The following ZNF831 variants were observed in gnomAD, a reference collection of about 807,000 sequenced individuals.
ZNF831 encodes chromosome 20 open reading frame 174.
A neutral mutation model predicts 95.8 loss-of-function variants in ZNF831; 59 were observed. The observed-to-expected ratio is 0.62, with a 90% confidence interval of 0.50 to 0.77. ZNF831 has a LOEUF of 0.77. Among genes scored for constraint, ZNF831 ranks in the 30% least tolerant of loss-of-function variants. The pLI is 0.00. For missense variants in ZNF831, 2,205 were observed against 2,164.0 expected (o/e 1.02, Z -0.38); for synonymous variants, 961 against 925.5 (o/e 1.04, Z -0.70).
intron 5 of ZNF831, 100 bp downstream of exon 5, chr20:59,253,238 G>A (rs566288611): frequency 2.9e-5 from 39 of 1,345,818 alleles, no homozygotes; most frequent in African/African-American, 1.7e-4. Flanking sequence ...GAACTTGCTC[G>A]GATCACCTTA....
At chr20:59,250,657 A>C (rs2146750316) in intron 4 of ZNF831, among the ~76,000 whole-genome samples, 1 of 152,272 alleles carries the variant, frequency 6.6e-6, no homozygotes, top group East Asian at 1.9e-4. Context: ...AACAACAACA[A>C]CCCATTATTA....
intron 1 of ZNF831, among the ~76,000 whole-genome samples, chr20:59,127,230 T>A (rs1226509957): frequency 6.6e-6 from 1 of 152,162 alleles, no homozygotes; most frequent in Non-Finnish European, 1.5e-5. Context: ...TTGTCGCACC[T>A]CCATCACTGT....
chr20:59,185,918 C>T (rs1210025005), intron 1 of ZNF831, among the ~76,000 whole-genome samples: 1 of 150,884 alleles, frequency 6.6e-6, no homozygotes, highest in Non-Finnish European at 1.5e-5. Flanking sequence ...CACAGGAAGA[C>T]AGAAGCCCTG....
intron 1 of ZNF831, among the ~76,000 whole-genome samples, chr20:59,166,721 A>G (rs1981301920): frequency 6.6e-6 from 1 of 152,160 alleles, no homozygotes; most frequent in Non-Finnish European, 1.5e-5. Flanking sequence ...ATTCAGCATA[A>G]TTCTCTAGAG....
chr20:59,186,659 A>T (rs1447608786), intron 1 of ZNF831, among the ~76,000 whole-genome samples: 1 of 152,190 alleles, frequency 6.6e-6, no homozygotes, highest in Non-Finnish European at 1.5e-5. Context: ...GAAAGGTTGC[A>T]GCGTCTTGAG....
chr20:59,133,359 C>T (rs558916355), intron 1 of ZNF831, among the ~76,000 whole-genome samples: 408 of 151,690 alleles, frequency 2.7e-3, no homozygotes, highest in Non-Finnish European at 4.9e-3. Flanking sequence ...TCCTGCATGA[C>T]GTCCATAGGA....
Position 59,164,070 on chromosome 20 carries a change from G to A in ZNF831, c.-174G>A, listed in dbSNP as rs1271885535. Among the ~76,000 whole-genome samples, 1 of 152,076 alleles carries A rather than the reference G, an allele frequency of 6.6e-6. No individual in the cohort carries two copies. The highest frequency in any genetic ancestry group is 1.5e-5 in the Non-Finnish European group (1 of 68,014). ...AGCTCCCTACAGAGAGTGAGAGCACGGGCTCTTGAGCTCATCTCTTCTCTG... is the reference window on the plus strand; with the variant it reads ...AGCTCCCTACAGAGAGTGAGAGCACAGGCTCTTGAGCTCATCTCTTCTCTG... On this transcript the variant is annotated 5_prime_UTR_variant, in exon 1 of 6. Transcript: ENST00000371030.
intron 2 of ZNF831, among the ~76,000 whole-genome samples, chr20:59,153,908 C>T (rs908939815): frequency 6.6e-5 from 10 of 152,134 alleles, no homozygotes; most frequent in Admixed American, 1.3e-4. Flanking sequence ...GAAAGCCTGA[C>T]GTATAAACCA....
chr20:59,224,393 G>A (rs1047747276), intron 4 of ZNF831, among the ~76,000 whole-genome samples: 2 of 142,222 alleles, frequency 1.4e-5, no homozygotes, highest in African/African-American at 6.2e-5. Context: ...AGCACTGGGT[G>A]GGGGGGCGCC....
At chr20:59,222,853 C>T (rs896297681) in intron 4 of ZNF831, among the ~76,000 whole-genome samples, 19 of 152,156 alleles carry the variant, frequency 1.2e-4, no homozygotes, top group African/African-American at 4.1e-4. Context: ...ATTTTATGTT[C>T]GTAGGGGTTT....
At chr20:59,224,364 C>T (rs1443659066) in intron 4 of ZNF831, among the ~76,000 whole-genome samples, 1 of 152,124 alleles carries the variant, frequency 6.6e-6, no homozygotes, top group Non-Finnish European at 1.5e-5. Context: ...CAACACTCTC[C>T]TGCACCCTAG....
In ZNF831 at chr20:59,194,319, C is replaced by T. The variant is rs1180190915; in HGVS notation, c.3300C>T (p.Asn1100=). ...SGDVLNPWVP[N]WELGEPPGNA... ...ATGTCCTGAATCCCTGGGTACCCAA[C>T]TGGGAGCTGGGGGAGCCTCCTGGGA... Residue 1100 remains asparagine, a synonymous_variant, in exon 2 of 6, where the codon AAC becomes AAT. Transcript: ENST00000371030. 1.2e-6 allele frequency: 2 copies of T among 1,613,700 alleles called. No individual in the cohort carries two copies. Among genetic ancestry groups the T allele is most frequent in the Non-Finnish European group, 1.7e-6 (2 of 1,179,954 alleles).
chr20:59,156,325 A>G (rs537337851), intron 2 of ZNF831, among the ~76,000 whole-genome samples: 1 of 152,308 alleles, frequency 6.6e-6, no homozygotes, highest in Non-Finnish European at 1.5e-5. Flanking sequence ...CAGGAGTCTG[A>G]GACCAGCCTG....
At position 59,191,488 on chromosome 20, in the gene ZNF831, A is replaced by C. The variant is rs2146548566; in HGVS notation, c.469A>C (p.Ser157Arg). ...PHCGRDCLKP[S>R]VLEKHIRSHT... ...CTGTGGTCGCGACTGCCTGAAGCCC[A>C]GTGTTCTAGAGAAGCACATCCGGTC... The change falls in exon 2 of 6, where the codon AGT becomes CGT. Residue 157 changes from serine (S) to arginine (R), a missense_variant. Physicochemically the swap from Ser to Arg is moderately radical, Grantham distance 110. Transcript: ENST00000371030. 1 of 1,613,108 alleles carries C rather than the reference A, an allele frequency of 6.2e-7. No individual in the cohort carries two copies. The highest frequency in any genetic ancestry group is 8.5e-7 in the Non-Finnish European group (1 of 1,180,002).
rs2146541218 is a variant in ZNF831, at chr20:59,190,981, C to G, written c.-36-3C>G. ...CATGGTAAAGTTTGGTTGTTGTCTG[C>G]AGGTTTTCCAGCATTGTGGGCCATC... On this transcript the variant is annotated splice_polypyrimidine_tract_variant and splice_region_variant and intron_variant, in intron 1 of 5. Coordinates refer to ENST00000371030, the MANE Select transcript of ZNF831 (RefSeq NM_178457.3). 6.8e-7 allele frequency: 1 copy of G among 1,463,618 alleles called. No homozygotes were observed. Among genetic ancestry groups the G allele is most frequent in the Non-Finnish European group, 9.0e-7 (1 of 1,116,678 alleles). The allele number at this position is 1,463,618 out of a possible 1,614,324, so 90.7% of individuals were successfully genotyped here.
In ZNF831 at chr20:59,253,870, T is replaced by TG. The variant is rs34607218; in HGVS notation, c.4189-28_4189-27insG. On this transcript the variant is annotated intron_variant, in intron 5 of 5. Coordinates refer to ENST00000371030, the MANE Select transcript of ZNF831 (RefSeq NM_178457.3). ...TGTACCAATTAACCTCCCCCCCCAC[T>TG]TTTTTTTTCCTTTGCACTTTGTTGC... 2,335 of 473,864 alleles carry TG rather than the reference T, an allele frequency of 4.9e-3. 194 individuals are homozygous for TG. In the East Asian group the frequency reaches 0.19, roughly 38 times the overall value. The allele number at this position is 473,864 out of a possible 1,614,324, so 29.4% of individuals were successfully genotyped here.
rs570190436 is a variant in ZNF831, at chr20:59,236,475, G to A, written c.4028-16503G>A. ...TTTTGTTTTTGTTTTTTGTTTTTTT[G>A]AGACAGAGTCTCACTGTGTTGCCCA... On this transcript the variant is annotated intron_variant, in intron 4 of 5. Coordinates refer to ENST00000371030, the MANE Select transcript of ZNF831 (RefSeq NM_178457.3). Among the ~76,000 whole-genome samples the A allele has an allele frequency of 7.3e-5, 11 of 151,358 alleles. No individual in the cohort carries two copies. The South Asian group carries it at 1.9e-3, about 26-fold the overall frequency.
intron 1 of ZNF831, among the ~76,000 whole-genome samples, chr20:59,141,929 C>T (rs260016): frequency 0.074 from 11,312 of 152,254 alleles, 858 homozygotes; most frequent in African/African-American, 0.2. Context: ...TCTCCCAGCA[C>T]CCCTGTGTTG....
At chr20:59,136,559 T>G (rs1979516503) in intron 1 of ZNF831, among the ~76,000 whole-genome samples, 1 of 152,216 alleles carries the variant, frequency 6.6e-6, no homozygotes, top group South Asian at 2.1e-4. Context: ...TGCATGTTCA[T>G]GTTTAAACCT....
Sources: allele counts gnomAD v4.1 joint callset (sites outside exome capture counted in the v4.1 genomes callset), GRCh38; gene constraint gnomAD v4.1.1; transcripts MANE v1.5; gene names NCBI Gene and HGNC (gene_info 2026-07-23, HGNC 2026-07-21).